SHTN1: variants seen among roughly 807,000 people sequenced by gnomAD.
SHTN1 encodes shootin-1.
A neutral mutation model predicts 83.1 loss-of-function variants in SHTN1; 42 were observed. The ratio of observed to expected loss-of-function variants is 0.51; its 90% CI spans 0.39 to 0.65. The LOEUF is 0.65. Among genes scored for constraint, SHTN1 ranks in the 30% least tolerant of loss-of-function variants. The pLI is 0.00. For missense variants in SHTN1, 622 were observed against 737.8 expected (o/e 0.84, Z 1.82); for synonymous variants, 224 against 247.7 (o/e 0.90, Z 0.90).
chr10:117,115,387 GAA>G, intron 1 of SHTN1, among the ~76,000 whole-genome samples: 1 of 150,858 alleles, frequency 6.6e-6, no homozygotes, highest in East Asian at 1.9e-4. Flanking sequence ...AGCAGCTAAA[GAA>G]AAAAAAAGGT....
chr10:117,031,336 C>A (rs974907098), intron 2 of SHTN1, among the ~76,000 whole-genome samples: 1 of 152,078 alleles, frequency 6.6e-6, no homozygotes, highest in Non-Finnish European at 1.5e-5. Flanking sequence ...CCAGACCTGC[C>A]CTACAAGAAA....
intron 2 of SHTN1, among the ~76,000 whole-genome samples, chr10:117,020,051 T>C (rs190160015): frequency 1.4e-3 from 211 of 152,136 alleles, no homozygotes; most frequent in Middle Eastern, 0.01. Context: ...CTAAAATGTA[T>C]GGCAAGGCAA....
At chr10:116,975,672 A>G (rs1850778645) in intron 2 of SHTN1, among the ~76,000 whole-genome samples, 1 of 151,688 alleles carries the variant, frequency 6.6e-6, no homozygotes, top group Non-Finnish European at 1.5e-5. Context: ...TAAAAGAGTC[A>G]GCAGTTTTCC....
chr10:117,041,553 A>G (rs1272911180), intron 2 of SHTN1, among the ~76,000 whole-genome samples: 1 of 152,190 alleles, frequency 6.6e-6, no homozygotes, highest in Non-Finnish European at 1.5e-5. Context: ...CGAGGATAGC[A>G]TATACACAGG....
intron 4 of SHTN1, among the ~76,000 whole-genome samples, chr10:116,955,497 T>C (rs371557316): frequency 1.2e-4 from 19 of 152,264 alleles, no homozygotes; most frequent in East Asian, 7.7e-4. Flanking sequence ...CAAATGAACA[T>C]AGTTCATTGG....
chr10:117,109,295 T>C (rs970481955), intron 1 of SHTN1, among the ~76,000 whole-genome samples: 4 of 152,032 alleles, frequency 2.6e-5, no homozygotes, highest in Admixed American at 6.6e-5. Flanking sequence ...CCTTACAGGG[T>C]TGTTGTAAGG....
Position 117,097,810 on chromosome 10 carries a change from A to G in SHTN1, c.-189+28497T>C, listed in dbSNP as rs370612659. Reference sequence around the variant, plus strand: ...AGCGATTCCAACTGCATCTCTATTTAAGACTCTTCTCAATTTCTTGCATCA... The same window carrying G: ...AGCGATTCCAACTGCATCTCTATTTGAGACTCTTCTCAATTTCTTGCATCA... On this transcript the variant is annotated intron_variant, in intron 1 of 17. Coordinates refer to the SHTN1 transcript ENST00000392901. Among the ~76,000 whole-genome samples, 60 of 152,286 alleles carry G rather than the reference A, an allele frequency of 3.9e-4. No homozygotes were observed. In the Middle Eastern group the frequency reaches 0.01, roughly 26 times the overall value.
chr10:117,027,327 C>T (rs956774704), intron 2 of SHTN1, among the ~76,000 whole-genome samples: 30 of 152,020 alleles, frequency 2.0e-4, no homozygotes, highest in Non-Finnish European at 3.8e-4. Flanking sequence ...GTGGCACTTC[C>T]CTCTCACTTC....
intron 7 of SHTN1, among the ~76,000 whole-genome samples, chr10:116,946,823 T>C (rs2133411282): frequency 6.6e-6 from 1 of 151,818 alleles, no homozygotes; most frequent in Non-Finnish European, 1.5e-5. Flanking sequence ...GTTCAAGTGA[T>C]TCTCCTGCCT....
chr10:116,899,549 GA>G (rs1847654549), intron 16 of SHTN1, among the ~76,000 whole-genome samples: 1 of 32,980 alleles, frequency 3.0e-5, no homozygotes, highest in African/African-American at 4.7e-5. Context: ...GTGTGTGTGA[GA>G]GAGTGCATGC....
chr10:116,884,179 C>A lies in SHTN1; in HGVS notation c.*2165G>T. ...AGGACGTATGTAAGTTTTGTGTGTGCAATAGCTATGAACATACCTTGCAGA... is the reference window on the plus strand; with the variant it reads ...AGGACGTATGTAAGTTTTGTGTGTGAAATAGCTATGAACATACCTTGCAGA... On this transcript the variant is annotated 3_prime_UTR_variant, in exon 17 of 17. Transcript: ENST00000355371. 2.2e-6 allele frequency: 1 copy of A among 456,010 alleles called. No homozygotes were observed. Among genetic ancestry groups the A allele is most frequent in the Non-Finnish European group, 4.4e-6 (1 of 226,504 alleles). The allele number at this position is 456,010 out of a possible 1,614,324, so 28.2% of individuals were successfully genotyped here.
At chr10:117,023,936 C>T (rs1852294788) in intron 2 of SHTN1, 1 of 152,626 alleles carries the variant, frequency 6.6e-6, no homozygotes, top group Admixed American at 6.5e-5. Flanking sequence ...ATCAGTTCAA[C>T]ATCTCAACTC....
At chr10:116,906,488 C>A in intron 15 of SHTN1, 139 bp downstream of exon 15, 1 of 733,730 alleles carries the variant, frequency 1.4e-6, no homozygotes, top group South Asian at 3.2e-5. Context: ...ATATCTTTAC[C>A]CATCCCATAC....
At chr10:117,079,277 A>C in intron 1 of SHTN1, among the ~76,000 whole-genome samples, 2 of 137,374 alleles carry the variant, frequency 1.5e-5, no homozygotes, top group South Asian at 2.5e-4. Flanking sequence ...ATGAGTGAGA[A>C]TATGCGGTGT....
At chr10:117,035,106 G>A (rs1852475682) in intron 2 of SHTN1, among the ~76,000 whole-genome samples, 1 of 152,140 alleles carries the variant, frequency 6.6e-6, no homozygotes, top group Non-Finnish European at 1.5e-5. Context: ...AACCAAAACA[G>A]CATGGTCCTG....
chr10:117,041,134 G>A (rs1852579094), intron 2 of SHTN1, among the ~76,000 whole-genome samples: 1 of 145,780 alleles, frequency 6.9e-6, no homozygotes, highest in Admixed American at 6.9e-5. Flanking sequence ...TGTTTAAAAT[G>A]TTTTGTGTTA....
At chr10:117,064,916 G>C (rs766880382) in intron 1 of SHTN1, among the ~76,000 whole-genome samples, 24 of 152,062 alleles carry the variant, frequency 1.6e-4, no homozygotes, top group Admixed American at 1.5e-3. Flanking sequence ...GGTTTCTTTC[G>C]GGAGGCTCTC....
intron 1 of SHTN1, among the ~76,000 whole-genome samples, chr10:117,109,297 G>C (rs1853725386): frequency 6.6e-6 from 1 of 152,082 alleles, no homozygotes; most frequent in African/African-American, 2.4e-5. Flanking sequence ...TTACAGGGTT[G>C]TTGTAAGGAT....
intron 16 of SHTN1, among the ~76,000 whole-genome samples, chr10:116,895,053 G>T (rs1847468151): frequency 6.6e-6 from 1 of 152,096 alleles, no homozygotes; most frequent in African/African-American, 2.4e-5. Flanking sequence ...CAAACATGAA[G>T]CTCTCTTAAA....
Sources: gnomAD v4.1 joint callset for allele counts (sites outside exome capture counted in the v4.1 genomes callset) on GRCh38, gnomAD v4.1.1 for gene constraint, MANE v1.5 for transcripts, NCBI Gene and HGNC (gene_info 2026-07-23, HGNC 2026-07-21) for gene names.